The following B4GALT5 variants were observed in gnomAD, a reference collection of about 807,000 sequenced individuals.
B4GALT5 encodes beta-1,4-galactosyltransferase 5, also known as UDP-Gal:beta-GlcNAc beta-1,4-galactosyltransferase 5.
B4GALT5 carries 11 observed loss-of-function variants against 45.0 expected under a neutral mutation model. The ratio of observed to expected loss-of-function variants is 0.24; its 90% CI spans 0.15 to 0.40. B4GALT5 has a LOEUF of 0.40. B4GALT5 is among the 10% of genes least tolerant of loss of function. B4GALT5 has a pLI of 1.00. For synonymous variants in B4GALT5, 185 were observed against 182.9 expected (o/e 1.01, Z -0.09); for missense variants, 337 against 500.2 (o/e 0.67, Z 3.11).
chr20:49,681,216 T>TA (rs10628956), intron 1 of B4GALT5, among the ~76,000 whole-genome samples: 37,897 of 72,290 alleles, frequency 0.52, 10,555 homozygotes, highest in South Asian at 0.64. Flanking sequence ...ACCCCATCTC[T>TA]AAAAAAAAAA....
rs756374441 is a variant in B4GALT5, at chr20:49,643,658, G to C, written c.365-8C>G. ...TTATGTCTATTGGGCCCTCTGAACA[G>C]AGACGGGGAAAAGGGATTAAGAGGT... is the stretch of plus-strand genomic sequence containing the variant. On this transcript the variant is annotated splice_polypyrimidine_tract_variant and splice_region_variant and intron_variant, in intron 3 of 8. Coordinates refer to ENST00000371711, the MANE Select transcript of B4GALT5 (RefSeq NM_004776.4). 8.7e-5 allele frequency: 141 copies of C among 1,611,948 alleles called. No homozygotes were observed. The highest frequency in any genetic ancestry group is 1.2e-4 in the Non-Finnish European group (138 of 1,178,584).
chr20:49,707,832 T>C (rs1030818520), intron 1 of B4GALT5, among the ~76,000 whole-genome samples: 2 of 152,024 alleles, frequency 1.3e-5, no homozygotes, highest in African/African-American at 2.4e-5. Flanking sequence ...CAGGATCGTC[T>C]TGAACTCCTG....
chr20:49,667,398 C>T (rs1005253204), intron 1 of B4GALT5, among the ~76,000 whole-genome samples: 4 of 151,824 alleles, frequency 2.6e-5, no homozygotes, highest in Non-Finnish European at 5.9e-5. Context: ...ACTACAGGTG[C>T]CTGCCACCTC....
intron 1 of B4GALT5, among the ~76,000 whole-genome samples, chr20:49,670,768 G>C (rs1040230571): frequency 6.6e-6 from 1 of 152,148 alleles, no homozygotes; most frequent in African/African-American, 2.4e-5. Flanking sequence ...GGCTTTGGTG[G>C]AACAGGTATC....
intron 1 of B4GALT5, among the ~76,000 whole-genome samples, chr20:49,710,545 G>A (rs1282361279): frequency 6.6e-6 from 1 of 151,568 alleles, no homozygotes; most frequent in East Asian, 1.9e-4. Flanking sequence ...TCAGCCTCCT[G>A]AGTAGCTGGG....
chr20:49,668,063 G>T (rs1016260278), intron 1 of B4GALT5, among the ~76,000 whole-genome samples: 2 of 151,958 alleles, frequency 1.3e-5, no homozygotes, highest in African/African-American at 2.4e-5. Flanking sequence ...GGGAGGAGGG[G>T]GGACACATAC....
chr20:49,664,994 G>T (rs2085682988), intron 1 of B4GALT5, among the ~76,000 whole-genome samples: 2 of 152,166 alleles, frequency 1.3e-5, no homozygotes, highest in Admixed American at 1.3e-4. Context: ...ATAAAAGGTT[G>T]TTAATTAATG....
chr20:49,650,153 G>A lies in B4GALT5; in HGVS notation c.251-3075C>T, dbSNP rs376858778. Among the ~76,000 whole-genome samples, 7 of 152,004 alleles carry A rather than the reference G, an allele frequency of 4.6e-5. No individual in the cohort carries two copies. The East Asian group carries it at 1.2e-3, about 25-fold the overall frequency. Reference sequence around the variant, plus strand: ...TCTACTTCCTTCAAACAATGATACAGTAAGCCTGGTAGCACCTAGCATGAA... The same window carrying A: ...TCTACTTCCTTCAAACAATGATACAATAAGCCTGGTAGCACCTAGCATGAA... On this transcript the variant is annotated intron_variant, in intron 2 of 8. Coordinates refer to ENST00000371711, the MANE Select transcript of B4GALT5 (RefSeq NM_004776.4).
intron 2 of B4GALT5, among the ~76,000 whole-genome samples, chr20:49,648,479 T>C (rs2085608028): frequency 6.6e-6 from 1 of 152,172 alleles, no homozygotes; most frequent in South Asian, 2.1e-4. Context: ...CTACTTCCCA[T>C]ATTGCTAGTT....
intron 1 of B4GALT5, among the ~76,000 whole-genome samples, chr20:49,696,410 C>T (rs1232123505): frequency 6.6e-6 from 1 of 152,120 alleles, no homozygotes; most frequent in Non-Finnish European, 1.5e-5. Flanking sequence ...ATCGAAGGGG[C>T]TAGAATTTCC....
chr20:49,651,612 G>C (rs775196714), intron 2 of B4GALT5, among the ~76,000 whole-genome samples: 7 of 152,004 alleles, frequency 4.6e-5, no homozygotes, highest in Non-Finnish European at 7.4e-5. Flanking sequence ...AAGATAGATA[G>C]ATAGAAAATG....
At chr20:49,713,489 G>C in intron 1 of B4GALT5, 87 bp downstream of exon 1, 1 of 1,384,946 alleles carries the variant, frequency 7.2e-7, no homozygotes, top group Non-Finnish European at 9.9e-7. Context: ...CCGCCTCCCG[G>C]CCGGGGCCCC....
intron 7 of B4GALT5, among the ~76,000 whole-genome samples, chr20:49,638,164 G>A (rs1325277822): frequency 1.3e-5 from 2 of 152,000 alleles, no homozygotes; most frequent in East Asian, 1.9e-4. Flanking sequence ...GACTACAGGC[G>A]TGTGCCACCA....
At position 49,659,383 on chromosome 20, in the gene B4GALT5, T is replaced by C. The variant is rs1457538319; in HGVS notation, c.116-2681A>G. 2.6e-5 allele frequency among the ~76,000 whole-genome samples: 4 copies of C among 152,216 alleles called. No homozygotes were observed. The South Asian group carries it at 6.2e-4, about 24-fold the overall frequency. On this transcript the variant is annotated intron_variant, in intron 1 of 8. Coordinates refer to ENST00000371711, the MANE Select transcript of B4GALT5 (RefSeq NM_004776.4). ...ACAGACCTCTTGAGGAAGCTTTCAG[T>C]ACCGTGTCAGTCTCCCCCCTTCTCC...
At chr20:49,649,306 G>T (rs919591065) in intron 2 of B4GALT5, among the ~76,000 whole-genome samples, 3 of 152,128 alleles carry the variant, frequency 2.0e-5, no homozygotes. Flanking sequence ...AGGCTGGGTG[G>T]GGTGGCTCAT....
chr20:49,666,829 AC>A lies in B4GALT5; in HGVS notation c.116-10128del, dbSNP rs2085692713. On this transcript the variant is annotated intron_variant, in intron 1 of 8. Transcript: ENST00000371711. ...ACAACCTGAAAAATAATTCAACCTT[AC>A]CCCCAAACAAGCAGATGATCAGTGT... Among the ~76,000 whole-genome samples the A allele has an allele frequency of 4.6e-5, 7 of 152,270 alleles. 1 individual carries two copies. The highest frequency in any genetic ancestry group is 4.6e-4 in the Admixed American group (7 of 15,286).
intron 1 of B4GALT5, among the ~76,000 whole-genome samples, chr20:49,673,139 T>TG (rs1401470607): frequency 1.3e-5 from 2 of 152,188 alleles, no homozygotes; most frequent in Non-Finnish European, 2.9e-5. Flanking sequence ...CCCAGCACTT[T>TG]GGGAAGCCGA....
intron 1 of B4GALT5, among the ~76,000 whole-genome samples, chr20:49,676,189 TAGAG>T (rs551932409): frequency 2.2e-4 from 34 of 151,846 alleles, no homozygotes; most frequent in Middle Eastern, 3.4e-3. Context: ...CATATATATG[TAGAG>T]AGAGAGAGTG....
At position 49,669,282 on chromosome 20, in the gene B4GALT5, C is replaced by A. The variant is rs2085705478; in HGVS notation, c.116-12580G>T. On this transcript the variant is annotated intron_variant, in intron 1 of 8. Coordinates refer to ENST00000371711, the MANE Select transcript of B4GALT5 (RefSeq NM_004776.4). The stretch of plus-strand genomic sequence containing the variant: ...CTGATACACCAACTTCTATCCATGA[C>A]CTCTACAAATTTGAGCATGTCTCTC... Among the ~76,000 whole-genome samples the A allele has an allele frequency of 2.0e-5, 3 of 152,172 alleles. No homozygotes were observed. The South Asian group carries it at 6.2e-4, about 32-fold the overall frequency.
Sources: gnomAD v4.1 joint callset for allele counts (sites outside exome capture counted in the v4.1 genomes callset) on GRCh38, gnomAD v4.1.1 for gene constraint, MANE v1.5 for transcripts, NCBI Gene and HGNC (gene_info 2026-07-23, HGNC 2026-07-21) for gene names.